OSBPL10: variants seen among roughly 807,000 people sequenced by gnomAD.
The protein encoded by OSBPL10 is oxysterol binding protein like 10.
OSBPL10 carries 49 observed loss-of-function variants against 81.7 expected under a neutral mutation model. The observed-to-expected ratio is 0.60, with a 90% CI of 0.48 to 0.76. The LOEUF (loss-of-function observed/expected upper bound fraction) is 0.76. Ranked by LOEUF, OSBPL10 falls within the 30% of genes least tolerant of loss-of-function variation. The pLI is 0.00. For synonymous variants in OSBPL10, 419 were observed against 383.6 expected, an observed-to-expected ratio of 1.09 and a Z score of -1.08; for missense variants, 923 against 987.8, an observed-to-expected ratio of 0.93 and a Z score of 0.88.
intron 4 of OSBPL10, among the ~76,000 whole-genome samples, chr3:31,753,860 A>T (rs1001769999): frequency 2.0e-5 from 3 of 152,166 alleles, no homozygotes; most frequent in Admixed American, 6.5e-5. Flanking sequence ...CCCCGCTTGG[A>T]GACAGAGCCA....
chr3:32,044,587 C>A (rs1699606683), intron 2 of OSBPL10, among the ~76,000 whole-genome samples: 1 of 150,782 alleles, frequency 6.6e-6, no homozygotes, highest in African/African-American at 2.4e-5. Context: ...ACTGAAAATA[C>A]AAAATTAGTC....
In OSBPL10 at chr3:31,868,096, G is replaced by A. The variant is rs555925477; in HGVS notation, c.537+8337C>T. Among the ~76,000 whole-genome samples, 123 of 152,016 alleles carry A rather than the reference G, an allele frequency of 8.1e-4. 2 individuals carry two copies. The highest frequency in any genetic ancestry group is 2.8e-3 in the African/African-American group (116 of 41,454). ...GACGGGCAGGACGGACCTCCAAATG[G>A]AGTCATGTGTCTCTCTGCATTTTTC... is the stretch of plus-strand genomic sequence containing the variant. On this transcript the variant is annotated intron_variant, in intron 3 of 11. Coordinates refer to ENST00000396556, the MANE Select transcript of OSBPL10 (RefSeq NM_017784.5).
chr3:31,812,726 G>A (rs1056917014), intron 4 of OSBPL10, among the ~76,000 whole-genome samples: 37 of 16,976 alleles, frequency 2.2e-3, no homozygotes, highest in East Asian at 0.013. Flanking sequence ...AAAAAAGAAA[G>A]AAAGAAAGAA....
At chr3:31,979,251 C>A (rs1390299063) in intron 1 of OSBPL10, among the ~76,000 whole-genome samples, 5 of 152,304 alleles carry the variant, frequency 3.3e-5, no homozygotes, top group African/African-American at 1.2e-4. Context: ...ACAGCAGACA[C>A]TAGGACTATT....
At chr3:32,002,810 T>C (rs1258590666) in intron 2 of OSBPL10, among the ~76,000 whole-genome samples, 1 of 129,748 alleles carries the variant, frequency 7.7e-6, no homozygotes, top group Non-Finnish European at 1.8e-5. Context: ...CTATTTATTG[T>C]TAACTTTGAA....
chr3:31,754,481 A>G (rs1575523203), intron 4 of OSBPL10, among the ~76,000 whole-genome samples: 1 of 152,152 alleles, frequency 6.6e-6, no homozygotes, highest in African/African-American at 2.4e-5. Context: ...GAAGAAAGGA[A>G]AAGACACAGA....
Position 32,038,883 on chromosome 3 carries a change from T to C in OSBPL10, n.298+7608A>G, listed in dbSNP as rs1186089718. On this transcript the variant is annotated intron_variant and non_coding_transcript_variant, in intron 2 of 3. Coordinates refer to the OSBPL10 transcript ENST00000479173. ...AAAAGCAAATCCTAGGCAAGAAAAG[T>C]AAAATAAACGGACAAAATACCTTAT... Among the ~76,000 whole-genome samples the C allele has an allele frequency of 3.3e-5, 5 of 151,944 alleles. No homozygotes were observed. The East Asian group carries it at 5.8e-4, about 18-fold the overall frequency.
intron 2 of OSBPL10, among the ~76,000 whole-genome samples, chr3:32,023,427 G>A (rs1055382191): frequency 4.6e-5 from 7 of 152,162 alleles, no homozygotes; most frequent in African/African-American, 1.7e-4. Context: ...GAAACTGTGA[G>A]TCCATTAAAC....
chr3:31,866,186 G>C (rs1436369795), intron 3 of OSBPL10, among the ~76,000 whole-genome samples: 1 of 152,082 alleles, frequency 6.6e-6, no homozygotes, highest in African/African-American at 2.4e-5. Context: ...TTCACATTTT[G>C]CTATGGATAG....
chr3:31,938,825 C>T (rs550938398), intron 1 of OSBPL10, among the ~76,000 whole-genome samples: 2 of 152,272 alleles, frequency 1.3e-5, no homozygotes, highest in East Asian at 3.9e-4. Flanking sequence ...CGACTTTGCC[C>T]AAGCCTCAGG....
intron 2 of OSBPL10, among the ~76,000 whole-genome samples, chr3:32,027,251 C>T (rs1315990398): frequency 1.3e-5 from 2 of 152,114 alleles, no homozygotes; most frequent in Admixed American, 1.3e-4. Context: ...CACTGTTCAA[C>T]TCCCACTTAT....
chr3:31,966,163 G>C (rs1575066904), intron 1 of OSBPL10, among the ~76,000 whole-genome samples: 1 of 71,664 alleles, frequency 1.4e-5, no homozygotes, highest in African/African-American at 6.5e-5. Flanking sequence ...ATGTGTGTGT[G>C]TGTGTGTGTG....
intron 4 of OSBPL10, among the ~76,000 whole-genome samples, chr3:31,749,790 G>A (rs1408282014): frequency 6.6e-6 from 1 of 152,036 alleles, no homozygotes. Flanking sequence ...GCTCCAGCCT[G>A]GGTGACAGAG....
chr3:31,938,165 GAT>G (rs1417197662), intron 1 of OSBPL10, among the ~76,000 whole-genome samples: 1 of 152,032 alleles, frequency 6.6e-6, no homozygotes, highest in Non-Finnish European at 1.5e-5. Flanking sequence ...CATCTCTTCT[GAT>G]GCTCCAATTT....
intron 1 of OSBPL10, among the ~76,000 whole-genome samples, chr3:31,937,770 C>CT (rs1697420502): frequency 6.6e-6 from 1 of 152,172 alleles, no homozygotes; most frequent in East Asian, 1.9e-4. Flanking sequence ...GTAGCTTCTC[C>CT]TTATTGCCCA....
At chr3:31,784,798 G>A (rs1409189570) in intron 4 of OSBPL10, among the ~76,000 whole-genome samples, 1 of 143,724 alleles carries the variant, frequency 7.0e-6, no homozygotes, top group Non-Finnish European at 1.5e-5. Context: ...GGCCAGGCTG[G>A]TCCTGAACTC....
At chr3:31,686,054 A>T (rs1700784654) in intron 7 of OSBPL10, among the ~76,000 whole-genome samples, 1 of 152,148 alleles carries the variant, frequency 6.6e-6, no homozygotes, top group African/African-American at 2.4e-5. Flanking sequence ...CTGTTCTAGA[A>T]GCGACTTTGG....
At chr3:31,792,207 C>A (rs1407787980) in intron 4 of OSBPL10, among the ~76,000 whole-genome samples, 8 of 147,334 alleles carry the variant, frequency 5.4e-5, no homozygotes, top group Admixed American at 1.3e-4. Flanking sequence ...CCAGCCTGGG[C>A]AACAGAGACC....
intron 1 of OSBPL10, among the ~76,000 whole-genome samples, chr3:31,934,307 A>C (rs373174323): frequency 3.5e-4 from 53 of 152,304 alleles, no homozygotes; most frequent in Admixed American, 7.2e-4. Context: ...ACAACAACAA[A>C]AAAAAAGGAA....
Sources: gnomAD v4.1 joint callset for allele counts (sites outside exome capture counted in the v4.1 genomes callset) on GRCh38, gnomAD v4.1.1 for gene constraint, MANE v1.5 for transcripts, NCBI Gene and HGNC (gene_info 2026-07-23, HGNC 2026-07-21) for gene names.